The following TUBGCP4 variants were observed in gnomAD, a reference collection of about 807,000 sequenced individuals.
TUBGCP4 encodes the protein gamma-tubulin complex component 4.
Under a neutral mutation model 91.6 loss-of-function variants are expected in TUBGCP4, and 54 were observed. That is an observed-to-expected ratio of 0.59 (90% confidence interval 0.47 to 0.74). TUBGCP4 has a LOEUF of 0.74. Among genes scored for constraint, TUBGCP4 ranks in the 30% least tolerant of loss-of-function variants. TUBGCP4 has a pLI of 0.00. For missense variants in TUBGCP4, 593 were observed against 800.9 expected (o/e 0.74, Z 3.13); for synonymous variants, 297 against 302.8 (o/e 0.98, Z 0.20).
At chr15:43,387,753 C>T (rs1412977082) in intron 9 of TUBGCP4, among the ~76,000 whole-genome samples, 5 of 152,032 alleles carry the variant, frequency 3.3e-5, no homozygotes, top group African/African-American at 9.7e-5. Context: ...TGAGCCACTG[C>T]GCCTGGCCCG....
rs964901013 is a variant in TUBGCP4, at chr15:43,397,812, A to T, written c.1280-229A>T. 9.2e-5 allele frequency among the ~76,000 whole-genome samples: 14 copies of T among 152,060 alleles called. 1 individual carries two copies. The highest frequency in any genetic ancestry group is 8.5e-4 in the Admixed American group (13 of 15,254). ...TACAACCTCTGCCTTCCAGGTTCAA[A>T]CAATTCTCATGCCTCAGCCCCCCTG... On this transcript the variant is annotated intron_variant, in intron 12 of 17. Coordinates refer to ENST00000564079, the MANE Select transcript of TUBGCP4 (RefSeq NM_014444.5).
Position 43,406,615 on chromosome 15 carries a change from G to A in TUBGCP4, c.*1401G>A, listed in dbSNP as rs2044897762. 2.2e-6 allele frequency: 1 copy of A among 455,864 alleles called. No homozygotes were observed. Among genetic ancestry groups the A allele is most frequent in the Non-Finnish European group, 4.4e-6 (1 of 226,782 alleles). The allele number at this position is 455,864 out of a possible 1,614,324, so 28.2% of individuals were successfully genotyped here. ...ACCCTTTACAGAAAAAAACCTTGTT[G>A]ACCCCTGCTTTAGAGAATGAGAAGC... On this transcript the variant is annotated 3_prime_UTR_variant, in exon 18 of 18. Coordinates refer to ENST00000564079, the MANE Select transcript of TUBGCP4 (RefSeq NM_014444.5).
At chr15:43,372,508 T>A (rs2044139173) in intron 1 of TUBGCP4, among the ~76,000 whole-genome samples, 1 of 152,160 alleles carries the variant, frequency 6.6e-6, no homozygotes, top group African/African-American at 2.4e-5. Context: ...TGTTTCACTT[T>A]TCTCCATAGA....
At position 43,371,422 on chromosome 15, in the gene TUBGCP4, G is replaced by T; in HGVS notation, c.68G>T (p.Ser23Ile). The change falls in exon 1 of 18, where the codon AGT (serine) becomes ATT (isoleucine). Residue 23 changes from serine (S) to isoleucine (I), a missense_variant. Physicochemically the swap from Ser to Ile is moderately radical, Grantham distance 142. Coordinates refer to ENST00000564079, the MANE Select transcript of TUBGCP4 (RefSeq NM_014444.5). ...PGSIFTWNKR[S>I]GLQVSQDFPF... The stretch of plus-strand genomic sequence containing the variant: ...TCCATTTTCACCTGGAACAAGCGGA[G>T]TGGCCTGCAGGTACTGTCCGGCGCA... The T allele has an allele frequency of 6.2e-7, 1 of 1,614,134 alleles. No homozygotes were observed.
chr15:43,375,274 G>C (rs2044189112), intron 1 of TUBGCP4, among the ~76,000 whole-genome samples: 1 of 152,228 alleles, frequency 6.6e-6, no homozygotes, highest in Non-Finnish European at 1.5e-5. Flanking sequence ...TTTGGCAGGG[G>C]CTGGATACGG....
rs2045007997 is a variant in TUBGCP4 at position 43,408,656 on chromosome 15, CTT to C, written c.*3444_*3445del. The C allele has an allele frequency of 1.0e-5, 5 of 500,218 alleles. No homozygotes were observed. Among genetic ancestry groups the C allele is most frequent in the African/African-American group, 1.9e-5 (1 of 52,222 alleles). The allele number at this position is 500,218 out of a possible 1,614,324, so 31.0% of individuals were successfully genotyped here. A position where few individuals can be genotyped will look rare whatever the true frequency, so the allele number is the denominator to read the frequency against. On this transcript the variant is annotated 3_prime_UTR_variant, in exon 18 of 18. Transcript: ENST00000564079. ...GCTTGCTTAAAACTTAGTTCTCTGACTTTACAGGTTGAGAATATTGAACCTAT... is the reference window on the plus strand; with the variant it reads ...GCTTGCTTAAAACTTAGTTCTCTGACTACAGGTTGAGAATATTGAACCTAT...
intron 13 of TUBGCP4, 72 bp downstream of exon 13, chr15:43,398,251 A>T: frequency 6.5e-7 from 1 of 1,544,808 alleles, no homozygotes; most frequent in South Asian, 1.2e-5. Context: ...TAGCAGGAAC[A>T]GAATTAGTGG....
At chr15:43,387,941 C>T (rs145350325) in intron 9 of TUBGCP4, among the ~76,000 whole-genome samples, 2 of 152,086 alleles carry the variant, frequency 1.3e-5, no homozygotes, top group East Asian at 3.9e-4. Flanking sequence ...CTCCGCCTCC[C>T]GGGTTGAAGC....
At chr15:43,400,342 C>G (rs1264463508) in intron 14 of TUBGCP4, 121 bp downstream of exon 14, 1 of 682,630 alleles carries the variant, frequency 1.5e-6, no homozygotes, top group Non-Finnish European at 2.4e-6. Context: ...TGGGAAAATT[C>G]AGGAGTTATA....
At position 43,375,609 on chromosome 15, in the gene TUBGCP4, A is replaced by G. The variant is rs546425981; in HGVS notation, c.79-489A>G. The stretch of plus-strand genomic sequence containing the variant: ...GTTATAAGGTGCATTTACAGATAAT[A>G]GGTATGCTTAATTTTAGATTTTTAC... On this transcript the variant is annotated intron_variant, in intron 1 of 17. Coordinates refer to ENST00000564079, the MANE Select transcript of TUBGCP4 (RefSeq NM_014444.5). Among the ~76,000 whole-genome samples the G allele has an allele frequency of 1.8e-4, 27 of 152,370 alleles. No homozygotes were observed. The South Asian group carries it at 2.1e-3, about 12-fold the overall frequency.
At chr15:43,373,155 C>T (rs1162098147) in intron 1 of TUBGCP4, among the ~76,000 whole-genome samples, 2 of 152,112 alleles carry the variant, frequency 1.3e-5, no homozygotes, top group Non-Finnish European at 2.9e-5. Flanking sequence ...AAGCATAATA[C>T]TCTTAAACAA....
intron 3 of TUBGCP4, 100 bp downstream of exon 3, chr15:43,376,725 A>C (rs2044211005): frequency 2.0e-6 from 3 of 1,519,994 alleles, no homozygotes; most frequent in Non-Finnish European, 2.7e-6. Context: ...GTTAAGAGTG[A>C]GCAGTTGCCT....
Position 43,408,007 on chromosome 15 carries a change from A to G in TUBGCP4, c.*2793A>G, listed in dbSNP as rs201339494. On this transcript the variant is annotated 3_prime_UTR_variant, in exon 18 of 18. Transcript: ENST00000564079. ...CTGCACCACCAGTCATGAGGATCTC[A>G]GACCAGAGCTCCAGGAAGTTCTGCT... 3.1e-6 allele frequency: 5 copies of G among 1,612,650 alleles called. No individual in the cohort carries two copies. The African/African-American group carries it at 5.3e-5, about 17-fold the overall frequency.
chr15:43,407,227 A>AGAG lies in TUBGCP4; in HGVS notation c.*2014_*2016dup, dbSNP rs1370458547. 3.0e-6 allele frequency: 2 copies of AGAG among 656,000 alleles called. No homozygotes were observed. The highest frequency in any genetic ancestry group is 1.8e-5 in the African/African-American group (1 of 54,954). 40.6% of individuals were successfully genotyped at this position (656,000 alleles called of 1,614,324 possible). A position where few individuals can be genotyped will look rare whatever the true frequency, so the allele number is the denominator to read the frequency against. ...AAGAAATCCCAGTTACTACAACCAA[A>AGAG]GAGATTCAACATTTATTTTATCATA... is the stretch of plus-strand genomic sequence containing the variant. On this transcript the variant is annotated 3_prime_UTR_variant, in exon 18 of 18. Transcript: ENST00000564079.
chr15:43,404,651 C>A, intron 17 of TUBGCP4, 99 bp downstream of exon 17: 1 of 1,305,034 alleles, frequency 7.7e-7, no homozygotes, highest in Non-Finnish European at 1.1e-6. Context: ...TCCAAATACC[C>A]TCATTTTATA....
At chr15:43,386,063 T>C in intron 8 of TUBGCP4, 107 bp downstream of exon 8, 1 of 1,524,292 alleles carries the variant, frequency 6.6e-7, no homozygotes, top group Non-Finnish European at 8.8e-7. Flanking sequence ...ATAATATTCC[T>C]ATCCTGAGAT....
At chr15:43,404,658 T>A (rs1008570297) in intron 17 of TUBGCP4, 106 bp downstream of exon 17, 3 of 1,233,398 alleles carry the variant, frequency 2.4e-6, no homozygotes, top group Non-Finnish European at 3.4e-6. Context: ...ACCCTCATTT[T>A]ATAAGTAAGG....
In TUBGCP4 at chr15:43,406,265, C is replaced by A; in HGVS notation, c.*1051C>A. 4.9e-6 allele frequency: 1 copy of A among 204,108 alleles called. No homozygotes were observed. Among genetic ancestry groups the A allele is most frequent in the Admixed American group, 5.5e-5 (1 of 18,230 alleles). 12.6% of individuals were successfully genotyped at this position (204,108 alleles called of 1,614,324 possible). On this transcript the variant is annotated 3_prime_UTR_variant, in exon 18 of 18. Coordinates refer to ENST00000564079, the MANE Select transcript of TUBGCP4 (RefSeq NM_014444.5). ...AAAGAAATATTCACTGAACAACGCCCTCCAAACTGAAAAAGAATGCAGTGT... is the reference window on the plus strand; with the variant it reads ...AAAGAAATATTCACTGAACAACGCCATCCAAACTGAAAAAGAATGCAGTGT...
intron 1 of TUBGCP4, among the ~76,000 whole-genome samples, chr15:43,373,969 G>A (rs2044164768): frequency 6.6e-6 from 1 of 152,100 alleles, no homozygotes; most frequent in African/African-American, 2.4e-5. Flanking sequence ...AGGTTCTTAA[G>A]CACCGTGTTG....
Sources: gnomAD v4.1 joint callset for allele counts (sites outside exome capture counted in the v4.1 genomes callset) on GRCh38, gnomAD v4.1.1 for gene constraint, MANE v1.5 for transcripts, NCBI Gene and HGNC (gene_info 2026-07-23, HGNC 2026-07-21) for gene names.